Variants in LARGE1 observed in about 807,000 individuals in gnomAD.
The protein encoded by LARGE1 is LARGE xylosyl- and glucuronyltransferase 1.
In LARGE1, 43 loss-of-function variants were observed where a neutral mutation model predicts 87.6. That is an observed-to-expected ratio of 0.49 (90% CI 0.38 to 0.63). The LOEUF (loss-of-function observed/expected upper bound fraction) is 0.63. Among genes scored for constraint, LARGE1 ranks in the 30% least tolerant of loss-of-function variants. LARGE1 has a pLI of 0.00. For synonymous variants in LARGE1, 434 were observed against 394.6 expected (o/e 1.10, Z -1.18); for missense variants, 802 against 1,000.2 (o/e 0.80, Z 2.67).
At chr22:33,851,132 A>C (rs1334525207) in intron 1 of LARGE1, among the ~76,000 whole-genome samples, 1 of 152,216 alleles carries the variant, frequency 6.6e-6, no homozygotes, top group African/African-American at 2.4e-5. Flanking sequence ...AAGGTGTTTC[A>C]CACAAGTTAA....
chr22:33,188,435 A>G (rs1180571175), intron 11 of LARGE1, among the ~76,000 whole-genome samples: 1 of 152,162 alleles, frequency 6.6e-6, no homozygotes, highest in East Asian at 1.9e-4. Flanking sequence ...GACTGAGCTC[A>G]CACCGGGCCT....
At chr22:33,496,238 T>C (rs193011523) in intron 6 of LARGE1, among the ~76,000 whole-genome samples, 80 of 152,226 alleles carry the variant, frequency 5.3e-4, no homozygotes, top group Non-Finnish European at 6.8e-4. Context: ...CCCACCCAGA[T>C]TGAGGGTGGG....
chr22:33,348,851 G>A (rs962940461), intron 9 of LARGE1, among the ~76,000 whole-genome samples: 1 of 152,134 alleles, frequency 6.6e-6, no homozygotes. Context: ...CAGGTGTTGT[G>A]GGAGGGGCTT....
At chr22:33,278,647 G>T (rs1266359150) in intron 13 of LARGE1, among the ~76,000 whole-genome samples, 1 of 152,094 alleles carries the variant, frequency 6.6e-6, no homozygotes, top group South Asian at 2.1e-4. Context: ...GTAGTCAGTG[G>T]TGGAGTTGTG....
At chr22:33,536,325 T>C (rs1602306254) in intron 6 of LARGE1, among the ~76,000 whole-genome samples, 1 of 152,236 alleles carries the variant, frequency 6.6e-6, no homozygotes, top group Non-Finnish European at 1.5e-5. Flanking sequence ...GGTGGTCACA[T>C]TGGCCTCCCT....
the LARGE1 span, among the ~76,000 whole-genome samples, chr22:33,099,157 T>A: frequency 2.0e-5 from 3 of 152,100 alleles, no homozygotes; most frequent in Non-Finnish European, 2.9e-5. Context: ...AGGAAAAAGG[T>A]TTTTTATCCC....
chr22:33,696,259 CTTTCTTTT>C lies in LARGE1; in HGVS notation c.107-45599_107-45592del, dbSNP rs1161526483. ...TTTTTCTTTCTTTCTTTCTTTCTTT[CTTTCTTTT>C]TTTTTTTTTTTTTGAGACAGAGTCT... On this transcript the variant is annotated intron_variant, in intron 2 of 14. Coordinates refer to ENST00000397394, the MANE Select transcript of LARGE1 (RefSeq NM_133642.5). 1.2e-3 allele frequency among the ~76,000 whole-genome samples: 144 copies of C among 121,706 alleles called. 1 individual carries two copies. The South Asian group carries it at 0.015, about 13-fold the overall frequency. 79.8% of individuals were successfully genotyped at this position (121,706 alleles called of 152,430 possible). A position where few individuals can be genotyped will look rare whatever the true frequency, so the allele number is the denominator to read the frequency against.
chr22:33,313,882 G>A (rs867152327), intron 11 of LARGE1, among the ~76,000 whole-genome samples: 29 of 152,300 alleles, frequency 1.9e-4, no homozygotes, highest in African/African-American at 6.7e-4. Context: ...TGGCCACAAG[G>A]TAACAAAGGT....
intron 7 of LARGE1, among the ~76,000 whole-genome samples, chr22:33,414,001 T>C (rs908975108): frequency 3.3e-5 from 5 of 152,272 alleles, no homozygotes; most frequent in African/African-American, 1.2e-4. Flanking sequence ...GGAATAAACA[T>C]GGGGGTACAG....
At chr22:33,644,870 C>A (rs1001524900) in intron 3 of LARGE1, among the ~76,000 whole-genome samples, 2 of 152,134 alleles carry the variant, frequency 1.3e-5, no homozygotes, top group Non-Finnish European at 1.5e-5. Context: ...TGAAGGACCT[C>A]TTCAAGAACT....
intron 6 of LARGE1, among the ~76,000 whole-genome samples, chr22:33,457,293 C>CTTTTTTTT (rs759460321): frequency 2.5e-4 from 19 of 74,928 alleles, no homozygotes; most frequent in African/African-American, 5.0e-4. Flanking sequence ...ACGCCTGGCT[C>CTTTTTTTT]TTTTTTTTTT....
At chr22:33,702,046 G>C (rs546217246) in intron 2 of LARGE1, among the ~76,000 whole-genome samples, 1 of 152,276 alleles carries the variant, frequency 6.6e-6, no homozygotes, top group Non-Finnish European at 1.5e-5. Context: ...GCAAGAGCCG[G>C]CTCCACTGCC....
chr22:33,699,802 C>A (rs1414825818), intron 2 of LARGE1, among the ~76,000 whole-genome samples: 2 of 152,062 alleles, frequency 1.3e-5, no homozygotes, highest in African/African-American at 4.8e-5. Flanking sequence ...TTATGTAAAA[C>A]AATGCCATGT....
chr22:33,430,567 T>G (rs1302578721), intron 7 of LARGE1, among the ~76,000 whole-genome samples: 1 of 152,120 alleles, frequency 6.6e-6, no homozygotes, highest in Non-Finnish European at 1.5e-5. Flanking sequence ...CAACCTCTGT[T>G]TGCCTGGTAG....
intron 7 of LARGE1, among the ~76,000 whole-genome samples, chr22:33,396,451 C>CAGAG (rs981515920): frequency 4.6e-5 from 5 of 108,494 alleles, no homozygotes; most frequent in Admixed American, 3.3e-4. Context: ...GAGTGAGAGA[C>CAGAG]AGAGAGAGTG....
At chr22:33,271,001 A>C (rs1487513178), downstream of LARGE1, among the ~76,000 whole-genome samples, 2 of 152,236 alleles carry the variant, frequency 1.3e-5, no homozygotes, top group Non-Finnish European at 2.9e-5. Context: ...CAGAGAATCA[A>C]TTACTATCCC....
intron 10 of LARGE1, among the ~76,000 whole-genome samples, chr22:33,326,019 G>A (rs547021251): frequency 6.6e-6 from 1 of 152,290 alleles, no homozygotes; most frequent in South Asian, 2.1e-4. Flanking sequence ...AAGCCACACA[G>A]ACAGGCAGAA....
intron 1 of LARGE1, among the ~76,000 whole-genome samples, chr22:33,899,776 T>C (rs2065237207): frequency 6.6e-6 from 1 of 152,192 alleles, no homozygotes. Flanking sequence ...ATCCAATTGA[T>C]GGGAATAACA....
At chr22:33,257,388 G>A (rs781501673) in intron 11 of LARGE1, among the ~76,000 whole-genome samples, 4 of 150,572 alleles carry the variant, frequency 2.7e-5, no homozygotes, top group Non-Finnish European at 5.9e-5. Context: ...CAAAAACTAG[G>A]TGGCACACAC....
Sources: gnomAD v4.1 joint callset for allele counts (sites outside exome capture counted in the v4.1 genomes callset) on GRCh38, gnomAD v4.1.1 for gene constraint, MANE v1.5 for transcripts, NCBI Gene and HGNC (gene_info 2026-07-23, HGNC 2026-07-21) for gene names.